Variants in PRUNE2 observed in about 807,000 individuals in gnomAD.
PRUNE2 encodes prune homolog 2 with BCH domain.
A neutral mutation model predicts 252.0 loss-of-function variants in PRUNE2; 164 were observed. The ratio of observed to expected loss-of-function variants is 0.65; its 90% CI spans 0.57 to 0.74. The LOEUF is 0.74. PRUNE2 is among the 30% of genes least tolerant of loss of function. The pLI is 0.00. For synonymous variants in PRUNE2, 1,292 were observed against 1,350.2 expected, an observed-to-expected ratio of 0.96 and a Z score of 0.94; for missense variants, 3,495 against 3,711.0, an observed-to-expected ratio of 0.94 and a Z score of 1.51.
chr9:76,717,602 C>T (rs1410672041), intron 6 of PRUNE2, among the ~76,000 whole-genome samples: 2 of 152,012 alleles, frequency 1.3e-5, no homozygotes, highest in Admixed American at 6.6e-5. Context: ...AAATTATATA[C>T]GTGCATACAT....
chr9:76,721,630 G>T lies in PRUNE2; in HGVS notation c.757-7909C>A, dbSNP rs541367433. On this transcript the variant is annotated intron_variant, in intron 6 of 18. Transcript: ENST00000376718. ...CAAGATTAAAACACCAGTGTGTACG[G>T]CTGCATTTTTGGGAACAGTGAGTCT... Among the ~76,000 whole-genome samples the T allele has an allele frequency of 6.6e-5, 10 of 152,244 alleles. No individual in the cohort carries two copies. In the East Asian group the frequency reaches 1.2e-3, roughly 18 times the overall value.
chr9:76,774,450 CTTTTTTTTTTTTTTT>C (rs869289049), intron 6 of PRUNE2, among the ~76,000 whole-genome samples: 3 of 41,396 alleles, frequency 7.2e-5, no homozygotes, highest in South Asian at 9.8e-4. Flanking sequence ...CAGTTCAACC[CTTTTTTTTTTTTTTT>C]TTTTTTTTTT....
intron 12 of PRUNE2, among the ~76,000 whole-genome samples, chr9:76,642,984 A>C (rs1328410580): frequency 2.0e-5 from 3 of 152,186 alleles, no homozygotes; most frequent in Non-Finnish European, 4.4e-5. Flanking sequence ...TGCGACACAG[A>C]ATGGAGACGA....
At chr9:76,630,570 G>A (rs1053848580) in intron 15 of PRUNE2, among the ~76,000 whole-genome samples, 1 of 152,176 alleles carries the variant, frequency 6.6e-6, no homozygotes, top group Non-Finnish European at 1.5e-5. Flanking sequence ...TGTCGCCCAG[G>A]CTGGAGTGCA....
At chr9:76,766,745 A>T (rs868538333) in intron 6 of PRUNE2, among the ~76,000 whole-genome samples, 4 of 143,368 alleles carry the variant, frequency 2.8e-5, no homozygotes, top group Middle Eastern at 7.2e-3. Flanking sequence ...CTTCAGCCTG[A>T]AATGTACAAT....
intron 1 of PRUNE2, among the ~76,000 whole-genome samples, chr9:76,892,204 C>A (rs2062524696): frequency 6.6e-6 from 1 of 152,138 alleles, no homozygotes; most frequent in South Asian, 2.1e-4. Context: ...ACCATCAGGA[C>A]ACCATTCTCC....
chr9:76,642,442 C>T (rs1350197992), intron 12 of PRUNE2, among the ~76,000 whole-genome samples: 1 of 152,206 alleles, frequency 6.6e-6, no homozygotes, highest in Non-Finnish European at 1.5e-5. Flanking sequence ...ATATTCTCAA[C>T]AGGTAGGACA....
At chr9:76,831,500 T>C (rs2132115453) in intron 4 of PRUNE2, among the ~76,000 whole-genome samples, 1 of 152,124 alleles carries the variant, frequency 6.6e-6, no homozygotes, top group South Asian at 2.1e-4. Context: ...TAAAATATTA[T>C]ATATGGATAA....
At chr9:76,898,589 A>G (rs1380171554) in intron 1 of PRUNE2, among the ~76,000 whole-genome samples, 2 of 152,202 alleles carry the variant, frequency 1.3e-5, no homozygotes, top group African/African-American at 2.4e-5. Flanking sequence ...AACCAAAAGG[A>G]TAACCTACTT....
At chr9:76,673,365 A>C (rs2041898461) in intron 9 of PRUNE2, among the ~76,000 whole-genome samples, 1 of 143,276 alleles carries the variant, frequency 7.0e-6, no homozygotes, top group African/African-American at 2.6e-5. Flanking sequence ...AAGAAGTTGA[A>C]TCTCTGAATA....
At chr9:76,689,656 G>C (rs116742566) in intron 9 of PRUNE2, among the ~76,000 whole-genome samples, 67 of 152,206 alleles carry the variant, frequency 4.4e-4, no homozygotes, top group African/African-American at 1.6e-3. Context: ...ACCGCACCAA[G>C]ATTTTTTTCT....
chr9:76,895,773 C>T (rs1970608), intron 1 of PRUNE2, among the ~76,000 whole-genome samples: 27,224 of 151,914 alleles, frequency 0.18, 2,890 homozygotes, highest in African/African-American at 0.29. Flanking sequence ...AGATCTGCCT[C>T]TATTTTATTT....
intron 1 of PRUNE2, among the ~76,000 whole-genome samples, chr9:76,858,106 T>C (rs1428586528): frequency 6.6e-6 from 1 of 152,146 alleles, no homozygotes; most frequent in African/African-American, 2.4e-5. Context: ...ATAATAATGA[T>C]AAATGTACAG....
At position 76,852,583 on chromosome 9, in the gene PRUNE2, T is replaced by C. The variant is rs554527771; in HGVS notation, c.141+1521A>G. ...AAAAGCTCTTTGCTTATCCTACATG[T>C]TCATACTCTGAGAGGGAGTAGTTGG... On this transcript the variant is annotated intron_variant, in intron 2 of 18. Coordinates refer to ENST00000376718, the MANE Select transcript of PRUNE2 (RefSeq NM_015225.3). Among the ~76,000 whole-genome samples the C allele has an allele frequency of 2.1e-3, 324 of 152,356 alleles. 3 individuals are homozygous for C. The highest frequency in any genetic ancestry group is 3.4e-3 in the Middle Eastern group (1 of 294).
At chr9:76,645,123 TTC>T (rs1435848190) in intron 11 of PRUNE2, 202 of 473,438 alleles carry the variant, frequency 4.3e-4, no homozygotes, top group Non-Finnish European at 6.6e-4. Context: ...CAATGAAGTC[TTC>T]TTTTATTAAC....
At chr9:76,781,943 G>C (rs117788524) in intron 6 of PRUNE2, among the ~76,000 whole-genome samples, 1 of 152,140 alleles carries the variant, frequency 6.6e-6, no homozygotes. Context: ...GGCCGGGCGC[G>C]GTGGCTCACG....
chr9:76,663,788 C>CT (rs1387319157), intron 9 of PRUNE2, among the ~76,000 whole-genome samples: 2 of 152,266 alleles, frequency 1.3e-5, no homozygotes, highest in East Asian at 3.9e-4. Flanking sequence ...TGCCTGCAGG[C>CT]TATTTGCTAG....
rs1294892459 is a variant in PRUNE2 at position 76,652,663 on chromosome 9, G to C, written c.8377C>G (p.Leu2793Val). Residue 2793 changes from leucine to valine, a missense_variant, in exon 11 of 19, where the codon CTT becomes GTT. Leu to Val is a conservative substitution (Grantham distance 32). Transcript: ENST00000376718. ...MRPEPPNSLD[L>V]NDTHPRRIKL... ...ATTCTCCGAGGATGAGTGTCATTAA[G>C]ATCCAGAGAATTAGGAGGTTCTAAA... 1.2e-6 allele frequency: 2 copies of C among 1,611,464 alleles called. No homozygotes were observed. The highest frequency in any genetic ancestry group is 2.7e-5 in the African/African-American group (2 of 74,834).
At chr9:76,629,601 C>CT (rs11330504) in intron 15 of PRUNE2, among the ~76,000 whole-genome samples, 434 of 145,442 alleles carry the variant, frequency 3.0e-3, no homozygotes, top group African/African-American at 5.3e-3. Context: ...ACTTCACATG[C>CT]TTTTTTTTTT....
Sources: gnomAD v4.1 joint callset for allele counts (sites outside exome capture counted in the v4.1 genomes callset) on GRCh38, gnomAD v4.1.1 for gene constraint, MANE v1.5 for transcripts, NCBI Gene and HGNC (gene_info 2026-07-23, HGNC 2026-07-21) for gene names.